Variants in DACH2 observed in about 807,000 individuals in gnomAD.
The protein encoded by DACH2 is dachshund homolog 2.
A neutral mutation model predicts 35.8 loss-of-function variants in DACH2; 17 were observed. That is an observed-to-expected ratio of 0.48 (90% CI 0.33 to 0.71). The LOEUF is 0.71. DACH2 is among the 30% of genes least tolerant of loss of function. The pLI, the probability that DACH2 is intolerant of heterozygous loss-of-function variation, is 0.02. For missense variants in DACH2, 469 were observed against 472.7 expected (o/e 0.99, Z 0.07); for synonymous variants, 195 against 177.3 (o/e 1.10, Z -0.79).
At chrX:86,641,962 T>C (rs888046129) in intron 3 of DACH2, among the ~76,000 whole-genome samples, 7 of 111,781 alleles carry the variant, frequency 6.3e-5, no homozygotes, top group African/African-American at 2.3e-4. Context: ...AAAGGACCAC[T>C]AAATATAGAA....
chrX:86,394,756 A>C (rs1265377546), intron 2 of DACH2, among the ~76,000 whole-genome samples: 2 of 111,797 alleles, frequency 1.8e-5, no homozygotes, highest in Non-Finnish European at 3.8e-5. Flanking sequence ...TTTAAGATAT[A>C]ATATATAAAA....
At chrX:86,430,020 T>C (rs909594134) in intron 2 of DACH2, among the ~76,000 whole-genome samples, 1 of 112,638 alleles carries the variant, frequency 8.9e-6, no homozygotes, top group African/African-American at 3.2e-5. Flanking sequence ...ACACAGACTT[T>C]TATGGAATCC....
intron 2 of DACH2, among the ~76,000 whole-genome samples, chrX:86,398,765 C>G (rs887608538): frequency 5.4e-5 from 6 of 111,783 alleles, no homozygotes; most frequent in Non-Finnish European, 1.1e-4. Flanking sequence ...CAGTTTGTTA[C>G]AATTTCTGTT....
chrX:86,778,653 C>T (rs1291894339), intron 7 of DACH2, among the ~76,000 whole-genome samples: 2 of 111,131 alleles, frequency 1.8e-5, no homozygotes, highest in East Asian at 5.6e-4. Context: ...CTCTGTCACC[C>T]AGGTGGCAGT....
chrX:86,325,666 T>A (rs913179411), intron 1 of DACH2, among the ~76,000 whole-genome samples: 1 of 112,680 alleles, frequency 8.9e-6, no homozygotes, highest in Non-Finnish European at 1.9e-5. Flanking sequence ...TCATCACTGT[T>A]GCATAATTTG....
chrX:86,704,238 ACC>A (rs1013685549), intron 5 of DACH2, among the ~76,000 whole-genome samples: 3 of 111,678 alleles, frequency 2.7e-5, no homozygotes, highest in African/African-American at 9.8e-5. Context: ...AAATTGGATA[ACC>A]ATGTGTAGAA....
At chrX:86,261,814 G>A (rs1249718207) in intron 1 of DACH2, among the ~76,000 whole-genome samples, 1 of 111,323 alleles carries the variant, frequency 9.0e-6, no homozygotes, top group East Asian at 2.8e-4. Flanking sequence ...CTTCTGCACT[G>A]TAAGCTGTCT....
At chrX:86,778,874 G>T (rs1166137075) in intron 7 of DACH2, among the ~76,000 whole-genome samples, 1 of 111,795 alleles carries the variant, frequency 8.9e-6, no homozygotes, top group African/African-American at 3.3e-5. Context: ...CTCCCAAAGT[G>T]CTATTACAGG....
At chrX:86,297,043 G>GTGTATATATA (rs1411917050) in intron 1 of DACH2, among the ~76,000 whole-genome samples, 3 of 89,950 alleles carry the variant, frequency 3.3e-5, no homozygotes, top group African/African-American at 1.3e-4. Context: ...ATATAATTGT[G>GTGTATATATA]TATATATATA....
intron 2 of DACH2, among the ~76,000 whole-genome samples, chrX:86,418,324 C>T (rs892237895): frequency 8.9e-6 from 1 of 112,147 alleles, no homozygotes; most frequent in African/African-American, 3.2e-5. Flanking sequence ...GGTCTCTGAC[C>T]CCACAGTTCC....
At chrX:86,488,879 G>T (rs940433057) in intron 2 of DACH2, among the ~76,000 whole-genome samples, 1 of 111,318 alleles carries the variant, frequency 9.0e-6, no homozygotes, top group African/African-American at 3.3e-5. Context: ...TCAGAAAAAT[G>T]CTTGGTACAT....
chrX:86,565,944 A>C (rs911461328), intron 3 of DACH2, among the ~76,000 whole-genome samples: 1 of 112,066 alleles, frequency 8.9e-6, no homozygotes, highest in Non-Finnish European at 1.9e-5. Flanking sequence ...TGTAAAAAAC[A>C]TTTAGACTAT....
At chrX:86,478,744 G>C (rs1295903214) in intron 2 of DACH2, among the ~76,000 whole-genome samples, 1 of 108,920 alleles carries the variant, frequency 9.2e-6, no homozygotes, top group Non-Finnish European at 1.9e-5. Flanking sequence ...AGCCAGGCAG[G>C]TCTTGAGGAG....
chrX:86,751,935 T>C (rs2041777874), intron 7 of DACH2, among the ~76,000 whole-genome samples: 1 of 111,758 alleles, frequency 8.9e-6, no homozygotes, highest in South Asian at 3.7e-4. Flanking sequence ...TCCTTTTCAG[T>C]AACGTGGATG....
At chrX:86,399,633 C>A (rs2036380362) in intron 2 of DACH2, among the ~76,000 whole-genome samples, 1 of 110,965 alleles carries the variant, frequency 9.0e-6, no homozygotes, top group African/African-American at 3.3e-5. Flanking sequence ...TTCTCTTTCA[C>A]TTATGAAGCT....
At chrX:86,670,456 A>G (rs1050000093) in intron 4 of DACH2, among the ~76,000 whole-genome samples, 1 of 111,988 alleles carries the variant, frequency 8.9e-6, no homozygotes, top group African/African-American at 3.2e-5. Context: ...AAATAAATAA[A>G]TAAATAGAAA....
At chrX:86,366,126 C>G (rs1244788712) in intron 1 of DACH2, among the ~76,000 whole-genome samples, 4 of 111,119 alleles carry the variant, frequency 3.6e-5, no homozygotes, top group African/African-American at 1.3e-4. Context: ...TTGCTAGACA[C>G]TACAAGGAGA....
intron 2 of DACH2, among the ~76,000 whole-genome samples, chrX:86,416,960 C>T (rs1292861270): frequency 9.2e-6 from 1 of 108,363 alleles, no homozygotes; most frequent in Non-Finnish European, 1.9e-5. Context: ...CAAGTGTGGT[C>T]GTGGACACCT....
chrX:86,388,481 C>T (rs1034365141), intron 2 of DACH2, among the ~76,000 whole-genome samples: 2 of 111,160 alleles, frequency 1.8e-5, no homozygotes, highest in Non-Finnish European at 3.8e-5. Flanking sequence ...GTACGTATTC[C>T]CAGAGGTAAA....
Sources: allele counts gnomAD v4.1 joint callset (sites outside exome capture counted in the v4.1 genomes callset), GRCh38; gene constraint gnomAD v4.1.1; transcripts MANE v1.5; gene names NCBI Gene and HGNC (gene_info 2026-07-23, HGNC 2026-07-21).